The following RFTN1 variants were observed in gnomAD, a reference collection of about 807,000 sequenced individuals.
RFTN1 encodes the protein raftlin, lipid raft linker 1, also known as raftlin.
In RFTN1, 26 loss-of-function variants were observed where a neutral mutation model predicts 46.5. That is an observed-to-expected ratio of 0.56 (90% CI 0.41 to 0.78). The LOEUF (loss-of-function observed/expected upper bound fraction) is 0.78, where lower values mean the gene tolerates loss of function less well. Among genes scored for constraint, RFTN1 ranks in the 30% least tolerant of loss-of-function variants. The pLI, the probability that RFTN1 is intolerant of heterozygous loss-of-function variation, is 0.00. For synonymous variants in RFTN1, 261 were observed against 284.2 expected, an observed-to-expected ratio of 0.92 and a Z score of 0.82; for missense variants, 693 against 718.7, an observed-to-expected ratio of 0.96 and a Z score of 0.41.
Position 16,334,489 on chromosome 3 carries a change from G to C in RFTN1, c.1147-7613C>G, listed in dbSNP as rs766422989. On this transcript the variant is annotated intron_variant, in intron 7 of 9. Coordinates refer to ENST00000334133, the MANE Select transcript of RFTN1 (RefSeq NM_015150.2). This position sits in a 1 kb window ranked among gnomAD's most constrained non-coding sequence, Gnocchi z 4.3. Reference sequence around the variant, plus strand: ...AGCGGTCTGCAGTAGCAAGACACTGGAAACTACTCAAGTGCCCATCAGTGC... The same window carrying C: ...AGCGGTCTGCAGTAGCAAGACACTGCAAACTACTCAAGTGCCCATCAGTGC... Among the ~76,000 whole-genome samples the C allele has an allele frequency of 2.0e-5, 3 of 152,164 alleles. No homozygotes were observed. The highest frequency in any genetic ancestry group is 1.5e-5 in the Non-Finnish European group (1 of 68,034).
intron 3 of RFTN1, among the ~76,000 whole-genome samples, chr3:16,423,964 T>C (rs2075243611): frequency 6.6e-6 from 1 of 152,184 alleles, no homozygotes; most frequent in African/African-American, 2.4e-5. Flanking sequence ...ATTATTTGCA[T>C]ATAATCATTT....
At position 16,357,950 on chromosome 3, in the gene RFTN1, T is replaced by A; in HGVS notation, c.1128A>T (p.Glu376Asp). Residue 376 changes from glutamate to aspartate, a missense_variant, in exon 7 of 10, where the codon GAA becomes GAT. By Grantham distance (45) the Glu-to-Asp change is conservative. Transcript: ENST00000334133. The part of the protein sequence containing the change: ...TIQGYDAIVV[E>D]QWTVLEGVEV... ...CACTTACTTCCAGGACTGTCCATTG[T>A]TCAACCACAATAGCATCATAGCCCT... 1 of 1,612,082 alleles carries A rather than the reference T, an allele frequency of 6.2e-7. No homozygotes were observed. Among genetic ancestry groups the A allele is most frequent in the Non-Finnish European group, 8.5e-7 (1 of 1,178,332 alleles).
rs2076100093 is a variant in RFTN1 at position 16,466,759 on chromosome 3, T to C, written c.145+26966A>G. Among the ~76,000 whole-genome samples, 2 of 152,198 alleles carry C rather than the reference T, an allele frequency of 1.3e-5. No homozygotes were observed. The highest frequency in any genetic ancestry group is 2.9e-5 in the Non-Finnish European group (2 of 68,028). ...ATACTGAGGTAGGTATAGACACTCA[T>C]GTACACAGAGACACACACACTGAGA... is the stretch of plus-strand genomic sequence containing the variant. On this transcript the variant is annotated intron_variant, in intron 2 of 9. Transcript: ENST00000334133. This position sits in a 1 kb window ranked among gnomAD's most constrained non-coding sequence, Gnocchi z 5.6.
chr3:16,390,706 T>C (rs1237018412), intron 4 of RFTN1, among the ~76,000 whole-genome samples: 1 of 152,158 alleles, frequency 6.6e-6, no homozygotes, highest in Admixed American at 6.5e-5. Context: ...ACTTAAAAAA[T>C]ATATCCATCT....
chr3:16,433,239 A>C lies in RFTN1; in HGVS notation c.332+612T>G, dbSNP rs774097970. ...GACTAACCCCACTTCTCTTTTCTTA[A>C]TTAGGCTCAACTGAAATATAGGCAT... On this transcript the variant is annotated intron_variant, in intron 3 of 9. Coordinates refer to ENST00000334133, the MANE Select transcript of RFTN1 (RefSeq NM_015150.2). This position sits in a 1 kb window ranked among gnomAD's most constrained non-coding sequence, Gnocchi z 4.4. Among the ~76,000 whole-genome samples, 1 of 151,844 alleles carries C rather than the reference A, an allele frequency of 6.6e-6. No individual in the cohort carries two copies. The highest frequency in any genetic ancestry group is 2.4e-5 in the African/African-American group (1 of 41,288).
intron 3 of RFTN1, among the ~76,000 whole-genome samples, chr3:16,419,112 T>C (rs146449785): frequency 6.6e-6 from 1 of 152,226 alleles, no homozygotes; most frequent in East Asian, 1.9e-4. Flanking sequence ...ATGAGTTATA[T>C]GATGGAAATA....
intron 2 of RFTN1, among the ~76,000 whole-genome samples, chr3:16,470,818 C>T (rs563626526): frequency 3.0e-4 from 45 of 152,252 alleles, no homozygotes; most frequent in Non-Finnish European, 5.1e-4. Context: ...TCAAAATTAC[C>T]ACAAAAATGT....
chr3:16,434,322 G>A (rs2125496700), intron 2 of RFTN1, among the ~76,000 whole-genome samples: 1 of 152,110 alleles, frequency 6.6e-6, no homozygotes, highest in African/African-American at 2.4e-5. Flanking sequence ...CGAGAAGTTT[G>A]AGACCAGCCT....
chr3:16,423,182 T>C (rs1205811497), intron 3 of RFTN1, among the ~76,000 whole-genome samples: 1 of 148,140 alleles, frequency 6.8e-6, no homozygotes, highest in Non-Finnish European at 1.5e-5. Context: ...AAAAAAAAAG[T>C]TAGACTCCCT....
At chr3:16,375,942 G>A (rs1182322014) in intron 5 of RFTN1, among the ~76,000 whole-genome samples, 1 of 152,192 alleles carries the variant, frequency 6.6e-6, no homozygotes, top group Non-Finnish European at 1.5e-5. Flanking sequence ...AGGAAGGTGA[G>A]TGGCCACGGG....
rs2075662953 is a variant in RFTN1, at chr3:16,443,110, T to C, written c.146-9073A>G. On this transcript the variant is annotated intron_variant, in intron 2 of 9. Transcript: ENST00000334133. The surrounding 1 kb of genome is among the most constrained non-coding windows in gnomAD (Gnocchi z 5.5). Reference sequence around the variant, plus strand: ...ACCCAGTAATGGGATTGCTAGATCATAGGATATTTCTATTTTTAATTTTTG... The same window carrying C: ...ACCCAGTAATGGGATTGCTAGATCACAGGATATTTCTATTTTTAATTTTTG... Among the ~76,000 whole-genome samples the C allele has an allele frequency of 6.6e-6, 1 of 152,246 alleles. No homozygotes were observed. The highest frequency in any genetic ancestry group is 1.5e-5 in the Non-Finnish European group (1 of 68,034).
intron 1 of RFTN1, among the ~76,000 whole-genome samples, chr3:16,502,610 A>G (rs1368056774): frequency 6.6e-6 from 1 of 152,170 alleles, no homozygotes; most frequent in Non-Finnish European, 1.5e-5. Flanking sequence ...GCTCTCCTAG[A>G]TCTCTCGTTC....
chr3:16,434,609 A>G (rs1353553173), intron 2 of RFTN1: 2 of 152,110 alleles, frequency 1.3e-5, no homozygotes, highest in Non-Finnish European at 2.9e-5. Context: ...GAGTCGTCTT[A>G]TCAGTGATCA....
intron 4 of RFTN1, among the ~76,000 whole-genome samples, chr3:16,404,307 TATATATTATATATA>T (rs2074780504): frequency 2.6e-5 from 1 of 38,108 alleles, no homozygotes; most frequent in African/African-American, 1.8e-4. Flanking sequence ...TAATATGTAA[TATATATTATATATA>T]ATATATAATA....
At position 16,498,586 on chromosome 3, in the gene RFTN1, T is replaced by C. The variant is rs1456775441; in HGVS notation, c.-8-4709A>G. Among the ~76,000 whole-genome samples the C allele has an allele frequency of 6.6e-6, 1 of 152,248 alleles. No homozygotes were observed. Among genetic ancestry groups the C allele is most frequent in the Admixed American group, 6.5e-5 (1 of 15,284 alleles). On this transcript the variant is annotated intron_variant, in intron 1 of 9. Coordinates refer to ENST00000334133, the MANE Select transcript of RFTN1 (RefSeq NM_015150.2). This position sits in a 1 kb window ranked among gnomAD's most constrained non-coding sequence, Gnocchi z 5.2. The stretch of plus-strand genomic sequence containing the variant: ...TAGAGACTGATTTCTCTGGAGTGCG[T>C]GCAACCCTGGCTAAGCAACTGTTTC...
In RFTN1 at chr3:16,506,715, C is replaced by T. The variant is rs9858869; in HGVS notation, c.-9+6727G>A. Among the ~76,000 whole-genome samples, 76,372 of 151,322 alleles carry T rather than the reference C, an allele frequency of 0.5. 19,628 individuals carry two copies. Among genetic ancestry groups the T allele is most frequent in the African/African-American group, 0.59 (24,173 of 41,212 alleles). On this transcript the variant is annotated intron_variant, in intron 1 of 9. Coordinates refer to ENST00000334133, the MANE Select transcript of RFTN1 (RefSeq NM_015150.2). The surrounding 1 kb of genome is among the most constrained non-coding windows in gnomAD (Gnocchi z 4.8). ...CAGTAGGCCGCTGGATGTACCATTT[C>T]GAGTTCAGAGGAGAGCTCCACAGCT...
chr3:16,422,508 G>A lies in RFTN1; in HGVS notation c.332+11343C>T, dbSNP rs2075204919. On this transcript the variant is annotated intron_variant, in intron 3 of 9. Coordinates refer to ENST00000334133, the MANE Select transcript of RFTN1 (RefSeq NM_015150.2). This position sits in a 1 kb window ranked among gnomAD's most constrained non-coding sequence, Gnocchi z 4.6. Reference sequence around the variant, plus strand: ...TAGCTGGGCGTGGTGGCACGTGCCTGTAATCCCAGCTACTCAGGAGGCTGA... The same window carrying A: ...TAGCTGGGCGTGGTGGCACGTGCCTATAATCCCAGCTACTCAGGAGGCTGA... 6.6e-6 allele frequency among the ~76,000 whole-genome samples: 1 copy of A among 152,066 alleles called. No homozygotes were observed. Among genetic ancestry groups the A allele is most frequent in the Non-Finnish European group, 1.5e-5 (1 of 68,022 alleles).
Position 16,377,867 on chromosome 3 carries a change from C to T in RFTN1, c.677G>A (p.Gly226Asp), listed in dbSNP as rs1284286667. The T allele has an allele frequency of 6.2e-7, 1 of 1,614,212 alleles. No homozygotes were observed. The highest frequency in any genetic ancestry group is 2.2e-5 in the East Asian group (1 of 44,878). The change falls in exon 5 of 10, where the codon GGC becomes GAC. Residue 226 changes from glycine to aspartate, a missense_variant. Gly to Asp is a moderately conservative substitution (Grantham distance 94). Transcript: ENST00000334133. ...GRNQSPEPSS[G>D]PRGEVPLAKQ... is the part of the protein sequence containing the mutation. Reference sequence around the variant, plus strand: ...GGCGAGGGGCACCTCCCCTCTGGGGCCTGAGCTGGGCTCTGGGCTTTGGTT... The same window carrying T: ...GGCGAGGGGCACCTCCCCTCTGGGGTCTGAGCTGGGCTCTGGGCTTTGGTT...
At chr3:16,492,574 CT>C (rs1006087766) in intron 2 of RFTN1, among the ~76,000 whole-genome samples, 1 of 152,168 alleles carries the variant, frequency 6.6e-6, no homozygotes, top group Non-Finnish European at 1.5e-5. Context: ...ACTCATTCTC[CT>C]TTCTGATCAT....
Sources: gnomAD v4.1 joint callset for allele counts (sites outside exome capture counted in the v4.1 genomes callset) on GRCh38, gnomAD v4.1.1 for gene constraint, Gnocchi (gnomAD v3.1) non-coding constraint, MANE v1.5 for transcripts, NCBI Gene and HGNC (gene_info 2026-07-23, HGNC 2026-07-21) for gene names.